Variants in DISP1 observed in about 807,000 individuals in gnomAD.
DISP1 encodes protein dispatched homolog 1.
A neutral mutation model predicts 37.3 loss-of-function variants in DISP1; 30 were observed. The ratio of observed to expected loss-of-function variants is 0.80; its 90% confidence interval spans 0.60 to 1.09. The LOEUF (loss-of-function observed/expected upper bound fraction) is 1.09, where lower values mean the gene tolerates loss of function less well. Among genes scored for constraint, DISP1 ranks in the 50% least tolerant of loss-of-function variants. The pLI, the probability that DISP1 is intolerant of heterozygous loss-of-function variation, is 0.00. For synonymous variants in DISP1, 634 were observed against 690.2 expected, an observed-to-expected ratio of 0.92 and a Z score of 1.28; for missense variants, 1,598 against 1,879.5, an observed-to-expected ratio of 0.85 and a Z score of 2.77.
At chr1:222,936,823 T>TTTATATATCACATATATG (rs1553331700) in intron 2 of DISP1, among the ~76,000 whole-genome samples, 1 of 26,886 alleles carries the variant, frequency 3.7e-5, no homozygotes, top group Non-Finnish European at 7.2e-5. Flanking sequence ...TTATATATAA[T>TTTATATATCACATATATG]ATATATAAAT....
chr1:222,872,956 A>C (rs898796105), intron 1 of DISP1, among the ~76,000 whole-genome samples: 2 of 152,120 alleles, frequency 1.3e-5, no homozygotes, highest in Non-Finnish European at 2.9e-5. Flanking sequence ...TGAGTCCCAG[A>C]GATTCTGGTA....
At chr1:222,938,065 G>A (rs891463063) in intron 2 of DISP1, among the ~76,000 whole-genome samples, 2 of 151,862 alleles carry the variant, frequency 1.3e-5, no homozygotes, top group African/African-American at 4.8e-5. Context: ...TTAGAGACAA[G>A]GTCTCACTAT....
chr1:222,906,118 T>C (rs978374027), intron 1 of DISP1, among the ~76,000 whole-genome samples: 2 of 152,188 alleles, frequency 1.3e-5, no homozygotes, highest in South Asian at 4.1e-4. Context: ...CAGTTACTTT[T>C]TTTTAAAAAC....
chr1:222,831,298 G>A (rs1665677001), intron 1 of DISP1, among the ~76,000 whole-genome samples: 1 of 152,166 alleles, frequency 6.6e-6, no homozygotes, highest in Non-Finnish European at 1.5e-5. Context: ...TACACATGTG[G>A]AATCATAAAT....
intron 1 of DISP1, among the ~76,000 whole-genome samples, chr1:222,855,793 G>C (rs893877329): frequency 6.6e-6 from 1 of 151,560 alleles, no homozygotes; most frequent in East Asian, 1.9e-4. Flanking sequence ...AATTTTAAGA[G>C]TACTATAATT....
chr1:222,848,765 A>G (rs1193038282), intron 1 of DISP1, among the ~76,000 whole-genome samples: 1 of 152,226 alleles, frequency 6.6e-6, no homozygotes, highest in Non-Finnish European at 1.5e-5. Context: ...TATAAATAAC[A>G]TGCAGGGGCT....
chr1:222,900,356 A>G (rs998991135), intron 1 of DISP1, among the ~76,000 whole-genome samples: 3 of 152,172 alleles, frequency 2.0e-5, no homozygotes, highest in Non-Finnish European at 4.4e-5. Flanking sequence ...ATGTGAAACC[A>G]TTTATGTCAT....
chr1:223,001,190 T>G (rs1452154596), intron 8 of DISP1, among the ~76,000 whole-genome samples: 1 of 152,170 alleles, frequency 6.6e-6, no homozygotes, highest in Non-Finnish European at 1.5e-5. Context: ...TCTCCAGGAA[T>G]AGTGTTTTAA....
At chr1:222,858,342 A>G (rs973425871) in intron 1 of DISP1, among the ~76,000 whole-genome samples, 2 of 152,244 alleles carry the variant, frequency 1.3e-5, no homozygotes, top group African/African-American at 4.8e-5. Flanking sequence ...AGATGTATCA[A>G]AGACTTAAAT....
At chr1:222,984,802 C>T (rs547054255) in intron 4 of DISP1, among the ~76,000 whole-genome samples, 1 of 152,204 alleles carries the variant, frequency 6.6e-6, no homozygotes, top group African/African-American at 2.4e-5. Flanking sequence ...TTTTCTCCTA[C>T]CCCCAGGCCC....
chr1:222,874,577 A>T (rs1036408813), intron 1 of DISP1, among the ~76,000 whole-genome samples: 4 of 151,764 alleles, frequency 2.6e-5, no homozygotes, highest in Non-Finnish European at 5.9e-5. Context: ...TGCATTCGTC[A>T]TGTAGTTCTC....
At chr1:222,855,303 G>C (rs1668487186) in intron 1 of DISP1, among the ~76,000 whole-genome samples, 1 of 152,130 alleles carries the variant, frequency 6.6e-6, no homozygotes, top group Non-Finnish European at 1.5e-5. Context: ...TAACACTTGA[G>C]TTCCAGGCGT....
At chr1:222,914,123 T>C (rs1211123866) in intron 1 of DISP1, among the ~76,000 whole-genome samples, 2 of 151,984 alleles carry the variant, frequency 1.3e-5, no homozygotes, top group Admixed American at 6.6e-5. Context: ...GAAGTTAGTC[T>C]GGATCAAAGG....
intron 1 of DISP1, among the ~76,000 whole-genome samples, chr1:222,898,548 GTTT>G (rs5781289): frequency 2.0e-5 from 3 of 146,810 alleles, no homozygotes; most frequent in Admixed American, 2.0e-4. Flanking sequence ...ATGTACCACT[GTTT>G]TTTTTTTTTT....
At position 222,943,923 on chromosome 1, in the gene DISP1, A is replaced by G. The variant is rs1244511054; in HGVS notation, c.509+591A>G. On this transcript the variant is annotated intron_variant, in intron 3 of 8. Coordinates refer to ENST00000675850, the MANE Select transcript of DISP1 (RefSeq NM_001377229.1). Reference sequence around the variant, plus strand: ...TGCATGCCTATAATCCCAGCTACTCAGGAGGTTGAGGCAGGAGAATCGCGT... The same window carrying G: ...TGCATGCCTATAATCCCAGCTACTCGGGAGGTTGAGGCAGGAGAATCGCGT... 2.0e-5 allele frequency among the ~76,000 whole-genome samples: 3 copies of G among 152,018 alleles called. No individual in the cohort carries two copies. In the East Asian group the frequency reaches 5.8e-4, roughly 29 times the overall value.
Position 222,992,076 on chromosome 1 carries a change from C to A in DISP1, c.855C>A (p.Asn285Lys). ...GAGAGAAAAGAGAAGTTGACTGGAA[C>A]TTCCACAAGGACAGCTTTTTCTGCG... Reference protein sequence around the residue: ...YEREKREVDWNFHKDSFFCDV... With the variant: ...YEREKREVDWKFHKDSFFCDV... Residue 285 changes from asparagine to lysine, a missense_variant, in exon 7 of 9, where the codon AAC (asparagine) becomes AAA (lysine). Physicochemically the swap from Asn to Lys is moderately conservative, Grantham distance 94 (BLOSUM62 0). Coordinates refer to ENST00000675850, the MANE Select transcript of DISP1 (RefSeq NM_001377229.1). 1.2e-6 allele frequency: 2 copies of A among 1,613,986 alleles called. No individual in the cohort carries two copies.
In DISP1 at chr1:222,971,274, A is replaced by G. The variant is rs182642882; in HGVS notation, c.510-11806A>G. 4.3e-3 allele frequency among the ~76,000 whole-genome samples: 607 copies of G among 140,714 alleles called. 3 individuals are homozygous for G. The highest frequency in any genetic ancestry group is 0.015 in the African/African-American group (556 of 38,036). 92.3% of individuals were successfully genotyped at this position (140,714 alleles called of 152,430 possible). A position where few individuals can be genotyped will look rare whatever the true frequency, so the allele number is the denominator to read the frequency against. On this transcript the variant is annotated intron_variant, in intron 3 of 8. Transcript: ENST00000675850. ...AAAAGCATAGCTAAAGAATTTCTAT[A>G]GAAGTTTGAGGGAAATGTCTCTCCT...
chr1:222,853,519 A>G lies in DISP1; in HGVS notation c.-159+38441A>G, dbSNP rs187747745. Among the ~76,000 whole-genome samples the G allele has an allele frequency of 3.4e-3, 359 of 104,182 alleles. 1 individual carries two copies. Among genetic ancestry groups the G allele is most frequent in the African/African-American group, 9.4e-3 (339 of 36,098 alleles). The allele number at this position is 104,182 out of a possible 152,430, so 68.3% of individuals were successfully genotyped here. A position where few individuals can be genotyped will look rare whatever the true frequency, so the allele number is the denominator to read the frequency against. ...GTGTCCAACAACAGCTGAATGGATAAAGAAAATGTATATATACACCACGGA... is the reference window on the plus strand; with the variant it reads ...GTGTCCAACAACAGCTGAATGGATAGAGAAAATGTATATATACACCACGGA... On this transcript the variant is annotated intron_variant, in intron 1 of 8. Transcript: ENST00000675850.
chr1:222,853,450 A>C (rs1480823632), intron 1 of DISP1, among the ~76,000 whole-genome samples: 1 of 152,194 alleles, frequency 6.6e-6, no homozygotes, highest in African/African-American at 2.4e-5. Flanking sequence ...CCCCATATTT[A>C]TTGCAGCATT....
Sources: gnomAD v4.1 joint callset for allele counts (sites outside exome capture counted in the v4.1 genomes callset) on GRCh38, gnomAD v4.1.1 for gene constraint, MANE v1.5 for transcripts, NCBI Gene and HGNC (gene_info 2026-07-23, HGNC 2026-07-21) for gene names.